TMEM144: variants seen among roughly 807,000 people sequenced by gnomAD.
TMEM144 encodes the protein transmembrane protein 144.
TMEM144 carries 39 observed loss-of-function variants against 43.6 expected under a neutral mutation model. That is an observed-to-expected ratio of 0.90 (90% CI 0.69 to 1.17). The LOEUF (loss-of-function observed/expected upper bound fraction) is 1.17. Among genes scored for constraint, TMEM144 ranks in the 50% most tolerant of loss-of-function variants. The pLI is 0.00. For synonymous variants in TMEM144, 154 were observed against 133.6 expected (o/e 1.15, Z -1.06); for missense variants, 417 against 411.9 (o/e 1.01, Z -0.11).
chr4:158,241,571 C>G lies in TMEM144; in HGVS notation c.865C>G (p.Leu289Val). 1 of 1,613,978 alleles carries G rather than the reference C, an allele frequency of 6.2e-7. No individual in the cohort carries two copies. The highest frequency in any genetic ancestry group is 8.5e-7 in the Non-Finnish European group (1 of 1,179,854). The part of the protein sequence containing the change: ...TCCWFIANHS[L>V]SAVVSFPIIT... ...CTGTTGGTTCATAGCAAATCACTCT[C>G]TGAGTGCTGTGGTCAGTTTTCCAAT... Residue 289 changes from leucine to valine, a missense_variant, in exon 11 of 13, where the codon CTG becomes GTG. Transcript: ENST00000296529.
At chr4:158,234,572 A>G (rs543559484) in intron 7 of TMEM144, 4 of 152,228 alleles carry the variant, frequency 2.6e-5, no homozygotes, top group Non-Finnish European at 5.9e-5. Flanking sequence ...CACTTCGGCT[A>G]TAGTATTATA....
chr4:158,214,651 C>A (rs1470718552), intron 3 of TMEM144, among the ~76,000 whole-genome samples: 2 of 152,166 alleles, frequency 1.3e-5, no homozygotes, highest in Non-Finnish European at 2.9e-5. Flanking sequence ...TAATGCCCGA[C>A]TCATCATAGG....
At chr4:158,231,771 C>T (rs1004876549) in intron 6 of TMEM144, among the ~76,000 whole-genome samples, 4 of 151,470 alleles carry the variant, frequency 2.6e-5, no homozygotes, top group African/African-American at 9.7e-5. Context: ...GAAGCCAATA[C>T]GAGGATTTAT....
intron 8 of TMEM144, among the ~76,000 whole-genome samples, chr4:158,236,881 C>T (rs962623526): frequency 6.6e-5 from 10 of 152,098 alleles, no homozygotes; most frequent in Non-Finnish European, 1.5e-4. Context: ...GAAATGCTTG[C>T]TTCATGCAGA....
chr4:158,212,308 A>T (rs1457773524), intron 2 of TMEM144: 1 of 162,318 alleles, frequency 6.2e-6, no homozygotes, highest in African/African-American at 2.4e-5. Flanking sequence ...AAATAAGCTT[A>T]GCAGCGTTAT....
intron 4 of TMEM144, among the ~76,000 whole-genome samples, chr4:158,215,584 C>G (rs1424596716): frequency 6.6e-6 from 1 of 152,132 alleles, no homozygotes; most frequent in Non-Finnish European, 1.5e-5. Flanking sequence ...TATTCTCCAT[C>G]TATTCAAGCA....
intron 9 of TMEM144, among the ~76,000 whole-genome samples, chr4:158,239,893 T>G (rs983113886): frequency 1.3e-5 from 2 of 151,560 alleles, no homozygotes; most frequent in South Asian, 2.1e-4. Context: ...ATGGGGTTTT[T>G]TTTTTTTTTT....
chr4:158,228,594 C>A (rs560172625), intron 6 of TMEM144, among the ~76,000 whole-genome samples: 2 of 152,170 alleles, frequency 1.3e-5, no homozygotes, highest in Non-Finnish European at 2.9e-5. Context: ...GGCATCCCAC[C>A]GGGGCAAATG....
chr4:158,237,111 G>C (rs1348093795), intron 8 of TMEM144, among the ~76,000 whole-genome samples: 1 of 152,120 alleles, frequency 6.6e-6, no homozygotes, highest in Non-Finnish European at 1.5e-5. Context: ...TCCTAGTTCT[G>C]TGCTGGATAG....
At chr4:158,211,724 A>G (rs1733969588) in intron 2 of TMEM144, 150 bp downstream of exon 2, 1 of 152,150 alleles carries the variant, frequency 6.6e-6, no homozygotes, top group African/African-American at 2.4e-5. Flanking sequence ...CTTAATAGCA[A>G]TGTGTTTTTG....
intron 6 of TMEM144, 104 bp downstream of exon 6, chr4:158,219,494 T>C: frequency 1.8e-6 from 2 of 1,103,290 alleles, no homozygotes; most frequent in Non-Finnish European, 2.7e-6. Context: ...TTTCGTAAAA[T>C]CCACATGCTT....
chr4:158,239,731 T>C (rs1017638293), intron 9 of TMEM144, among the ~76,000 whole-genome samples: 2 of 152,228 alleles, frequency 1.3e-5, no homozygotes, highest in Non-Finnish European at 2.9e-5. Context: ...ATTCATTGTT[T>C]CTTATTTAGC....
intron 6 of TMEM144, among the ~76,000 whole-genome samples, chr4:158,231,745 G>C (rs1291205856): frequency 1.3e-5 from 2 of 152,134 alleles, no homozygotes. Flanking sequence ...CTTGGAGCAG[G>C]GAGTGGTCAG....
chr4:158,213,642 G>A (rs571442919), intron 3 of TMEM144: 1 of 152,316 alleles, frequency 6.6e-6, no homozygotes, highest in South Asian at 2.1e-4. Flanking sequence ...AGAGTTATTT[G>A]TATTTGCCTG....
At chr4:158,226,084 A>T (rs1036712242) in intron 6 of TMEM144, among the ~76,000 whole-genome samples, 3 of 152,242 alleles carry the variant, frequency 2.0e-5, no homozygotes, top group Admixed American at 1.3e-4. Flanking sequence ...TGCAGATGGA[A>T]TATTTGATCC....
At chr4:158,223,163 C>A (rs560289021) in intron 6 of TMEM144, among the ~76,000 whole-genome samples, 74 of 152,282 alleles carry the variant, frequency 4.9e-4, no homozygotes, top group African/African-American at 1.8e-3. Context: ...TTCCTAATTT[C>A]TTTTTCATGC....
At chr4:158,252,044 C>T (rs1417978577) in intron 12 of TMEM144, among the ~76,000 whole-genome samples, 1 of 151,974 alleles carries the variant, frequency 6.6e-6, no homozygotes, top group Non-Finnish European at 1.5e-5. Flanking sequence ...AAATACTGAC[C>T]AGGAAAAGAG....
At chr4:158,241,043 C>T (rs550087076) in intron 10 of TMEM144, among the ~76,000 whole-genome samples, 8 of 151,802 alleles carry the variant, frequency 5.3e-5, no homozygotes, top group South Asian at 4.2e-4. Context: ...AGAATGCCAC[C>T]GTGTAGAAAA....
intron 6 of TMEM144, among the ~76,000 whole-genome samples, chr4:158,224,264 T>C (rs1734642619): frequency 6.6e-6 from 1 of 152,204 alleles, no homozygotes. Context: ...TTGTTTGTTT[T>C]CCTCTTGTAA....
Sources: allele counts gnomAD v4.1 joint callset (sites outside exome capture counted in the v4.1 genomes callset), GRCh38; gene constraint gnomAD v4.1.1; transcripts MANE v1.5; gene names NCBI Gene and HGNC (gene_info 2026-07-23, HGNC 2026-07-21).